POU6F2: variants seen among roughly 807,000 people sequenced by gnomAD.
POU6F2 encodes POU class 6 homeobox 2.
POU6F2 carries 31 observed loss-of-function variants against 71.3 expected under a neutral mutation model. The ratio of observed to expected loss-of-function variants is 0.43; its 90% CI spans 0.33 to 0.59. POU6F2 has a LOEUF of 0.59. POU6F2 is among the 20% of genes least tolerant of loss of function. The pLI, the probability that POU6F2 is intolerant of heterozygous loss-of-function variation, is 0.04. For synonymous variants in POU6F2, 347 were observed against 355.7 expected, an observed-to-expected ratio of 0.98 and a Z score of 0.27; for missense variants, 783 against 856.8, an observed-to-expected ratio of 0.91 and a Z score of 1.07.
chr7:39,017,293 G>A (rs1789578478), intron 1 of POU6F2, among the ~76,000 whole-genome samples: 1 of 152,086 alleles, frequency 6.6e-6, no homozygotes, highest in Non-Finnish European at 1.5e-5. Flanking sequence ...TGTGCACTGG[G>A]CTGCGTGTGA....
At position 39,088,545 on chromosome 7, in the gene POU6F2, A is replaced by C. The variant is rs73373265; in HGVS notation, c.277+2514A>C. 6.1e-3 allele frequency among the ~76,000 whole-genome samples: 932 copies of C among 152,288 alleles called. 8 individuals are homozygous for C. Among genetic ancestry groups the C allele is most frequent in the African/African-American group, 0.022 (898 of 41,560 alleles). On this transcript the variant is annotated intron_variant, in intron 2 of 9. Transcript: ENST00000518318. ...ATGAAGAATTGCATTCTTCCTGAGT[A>C]GTTGACAGCATCTATGTTTTTATCT...
intron 1 of POU6F2, among the ~76,000 whole-genome samples, chr7:39,008,506 T>C (rs1406116539): frequency 2.7e-5 from 4 of 150,084 alleles, no homozygotes; most frequent in Non-Finnish European, 6.0e-5. Flanking sequence ...TCTTTTGCTG[T>C]GCAGAAGCTC....
intron 5 of POU6F2, chr7:39,373,604 CTG>C: frequency 2.2e-6 from 1 of 445,790 alleles, no homozygotes; most frequent in Non-Finnish European, 4.5e-6. Context: ...GTCTAGCTAA[CTG>C]TATGCATTTA....
At chr7:39,449,678 C>T (rs1788610135) in intron 7 of POU6F2, among the ~76,000 whole-genome samples, 1 of 152,068 alleles carries the variant, frequency 6.6e-6, no homozygotes, top group Non-Finnish European at 1.5e-5. Context: ...TTCATCATAG[C>T]CCCAAACTGG....
chr7:39,090,401 C>A (rs1791339601), intron 2 of POU6F2, among the ~76,000 whole-genome samples: 5 of 152,118 alleles, frequency 3.3e-5, no homozygotes, highest in Non-Finnish European at 7.4e-5. Context: ...GTGGTCTCTG[C>A]AGGTCAGCGT....
chr7:39,431,867 G>A (rs929675276), intron 6 of POU6F2, among the ~76,000 whole-genome samples: 1 of 152,156 alleles, frequency 6.6e-6, no homozygotes, highest in Non-Finnish European at 1.5e-5. Context: ...GTGTCCTGGT[G>A]GCCCCCAGGC....
intron 4 of POU6F2, among the ~76,000 whole-genome samples, chr7:39,336,887 G>T (rs1160390220): frequency 6.6e-6 from 1 of 152,174 alleles, no homozygotes; most frequent in African/African-American, 2.4e-5. Context: ...ACTTCCTTTA[G>T]CATTTGAGCA....
At chr7:39,298,540 C>A (rs1284362857) in intron 4 of POU6F2, among the ~76,000 whole-genome samples, 1 of 152,172 alleles carries the variant, frequency 6.6e-6, no homozygotes, top group Non-Finnish European at 1.5e-5. Context: ...AATAGGAACA[C>A]TTTTACACCG....
At chr7:39,176,993 C>T (rs577755313) in intron 2 of POU6F2, among the ~76,000 whole-genome samples, 6 of 152,336 alleles carry the variant, frequency 3.9e-5, no homozygotes, top group African/African-American at 1.4e-4. Context: ...TCATGACTTA[C>T]TCTTCAACCA....
chr7:39,270,962 A>G (rs1350580354), intron 4 of POU6F2, among the ~76,000 whole-genome samples: 1 of 152,122 alleles, frequency 6.6e-6, no homozygotes, highest in Non-Finnish European at 1.5e-5. Flanking sequence ...ATTCTCTGTC[A>G]GAGTCCTGGC....
At chr7:39,053,503 T>C (rs1038740385) in intron 1 of POU6F2, among the ~76,000 whole-genome samples, 2 of 151,958 alleles carry the variant, frequency 1.3e-5, no homozygotes, top group African/African-American at 4.8e-5. Context: ...CCAACTTTTT[T>C]CCCCCCAGAA....
chr7:39,384,298 G>C (rs1330461149), intron 5 of POU6F2, among the ~76,000 whole-genome samples: 1 of 152,198 alleles, frequency 6.6e-6, no homozygotes, highest in Non-Finnish European at 1.5e-5. Flanking sequence ...CAACATGGCT[G>C]GGCTGTTTCC....
At chr7:39,089,161 A>G (rs1486586341) in intron 2 of POU6F2, among the ~76,000 whole-genome samples, 2 of 152,208 alleles carry the variant, frequency 1.3e-5, no homozygotes, top group Non-Finnish European at 2.9e-5. Context: ...CTTAACTTGA[A>G]CAGCCATGGA....
chr7:39,112,142 G>T (rs1485331625), intron 2 of POU6F2, among the ~76,000 whole-genome samples: 1 of 152,120 alleles, frequency 6.6e-6, no homozygotes, highest in Non-Finnish European at 1.5e-5. Context: ...TCTCACCTGT[G>T]TATTAAACCC....
chr7:39,424,477 T>G lies in POU6F2; in HGVS notation c.1114-8600T>G, dbSNP rs187534964. ...TGCCAATATATAATTCAGATATAAT[T>G]TTAAAACATGTGTTCGTGGCAGGCA... On this transcript the variant is annotated intron_variant, in intron 6 of 9. Transcript: ENST00000518318. Among the ~76,000 whole-genome samples the G allele has an allele frequency of 3.3e-5, 5 of 152,274 alleles. No individual in the cohort carries two copies. In the East Asian group the frequency reaches 9.6e-4, roughly 29 times the overall value.
At chr7:39,212,907 T>A (rs1482552451) in intron 4 of POU6F2, among the ~76,000 whole-genome samples, 1 of 152,154 alleles carries the variant, frequency 6.6e-6, no homozygotes, top group African/African-American at 2.4e-5. Flanking sequence ...TTTTGAAACA[T>A]AGGCAGGAAA....
intron 2 of POU6F2, among the ~76,000 whole-genome samples, chr7:39,106,313 T>C (rs960564864): frequency 3.9e-5 from 6 of 152,240 alleles, no homozygotes; most frequent in Non-Finnish European, 8.8e-5. Context: ...TGGAGACTTA[T>C]GGTGGTTTCC....
intron 2 of POU6F2, among the ~76,000 whole-genome samples, chr7:39,157,795 C>T (rs1048501768): frequency 6.6e-6 from 1 of 152,124 alleles, no homozygotes; most frequent in Non-Finnish European, 1.5e-5. Flanking sequence ...CAACAGGCAA[C>T]GAATTGTTGG....
At chr7:39,361,918 A>T (rs1055093517) in intron 5 of POU6F2, among the ~76,000 whole-genome samples, 2 of 152,202 alleles carry the variant, frequency 1.3e-5, no homozygotes, top group African/African-American at 4.8e-5. Context: ...AAGAGGCTAC[A>T]GAGAGTGATT....
Sources: gnomAD v4.1 joint callset for allele counts (sites outside exome capture counted in the v4.1 genomes callset) on GRCh38, gnomAD v4.1.1 for gene constraint, MANE v1.5 for transcripts, NCBI Gene and HGNC (gene_info 2026-07-23, HGNC 2026-07-21) for gene names.